Variants in CHAT observed in about 807,000 individuals in gnomAD.
The protein encoded by CHAT is choline O-acetyltransferase, also known as acetyl CoA:choline O-acetyltransferase.
In CHAT, 61 loss-of-function variants were observed where a neutral mutation model predicts 76.9. That is an observed-to-expected ratio of 0.79 (90% CI 0.65 to 0.98). The LOEUF (loss-of-function observed/expected upper bound fraction) is 0.98. Among genes scored for constraint, CHAT ranks in the 50% least tolerant of loss-of-function variants. The probability of loss-of-function intolerance (pLI) is 0.00; values close to 1 mark genes in which losing one functional copy is unlikely to be tolerated. For synonymous variants in CHAT, 407 were observed against 397.4 expected (o/e 1.02, Z -0.29); for missense variants, 946 against 986.9 (o/e 0.96, Z 0.56).
upstream of CHAT, chr10:49,610,969 G>T: frequency 1.6e-5 from 26 of 1,611,462 alleles, no homozygotes; most frequent in Non-Finnish European, 2.1e-5. Flanking sequence ...GACTCCCGAG[G>T]TGTGGGAGCC....
At chr10:49,611,183 G>T (rs1242707628), upstream of CHAT, 5 of 1,614,002 alleles carry the variant, frequency 3.1e-6, no homozygotes, top group African/African-American at 2.7e-5. Flanking sequence ...TTCATCGACC[G>T]CATGAGCTAC....
At position 49,655,123 on chromosome 10, in the gene CHAT, G is replaced by C. The variant is rs757303526; in HGVS notation, c.1663G>C (p.Glu555Gln). ...CCATCGAAGACTGGTGCCCACCTAC[G>C]AGAGCGCGTCCATCCGCCGATTCCA... ...RLHRRLVPTYESASIRRFQEG... is the reference protein window; with the variant it reads ...RLHRRLVPTYQSASIRRFQEG... The change falls in exon 12 of 15, where the codon GAG becomes CAG. Residue 555 changes from glutamate (E) to glutamine (Q), a missense_variant. Glu to Gln is a conservative substitution (Grantham distance 29, BLOSUM62 2). Transcript: ENST00000337653. 6.2e-7 allele frequency: 1 copy of C among 1,613,908 alleles called. No individual in the cohort carries two copies. The highest frequency in any genetic ancestry group is 8.5e-7 in the Non-Finnish European group (1 of 1,179,998).
intron 7 of CHAT, among the ~76,000 whole-genome samples, chr10:49,646,102 G>C (rs1197880756): frequency 6.6e-6 from 1 of 152,288 alleles, no homozygotes; most frequent in African/African-American, 2.4e-5. Flanking sequence ...ACACACAGAT[G>C]TGGCTCACAG....
At chr10:49,660,236 C>T (rs1024838371) in intron 13 of CHAT, among the ~76,000 whole-genome samples, 7 of 151,978 alleles carry the variant, frequency 4.6e-5, no homozygotes, top group Admixed American at 2.0e-4. Context: ...GTCAGGAGAT[C>T]GAGACCATCC....
intron 14 of CHAT, 42 bp downstream of exon 14, chr10:49,662,824 G>A (rs1190205900): frequency 6.2e-7 from 1 of 1,613,680 alleles, no homozygotes; most frequent in East Asian, 2.2e-5. Context: ...AGTGTAGTCA[G>A]TAAGCTTTCT....
At chr10:49,613,930 G>A, upstream of CHAT, 1 of 597,396 alleles carries the variant, frequency 1.7e-6, no homozygotes, top group South Asian at 2.0e-5. Context: ...GGATGGTGGG[G>A]AGAGGAGGGC....
At chr10:49,642,613 C>T (rs573554431) in intron 7 of CHAT, among the ~76,000 whole-genome samples, 2 of 152,270 alleles carry the variant, frequency 1.3e-5, no homozygotes, top group African/African-American at 4.8e-5. Flanking sequence ...CCTCCACTCT[C>T]CTGCCTCGAG....
At chr10:49,612,951 T>G (rs1838340424), upstream of CHAT, among the ~76,000 whole-genome samples, 1 of 152,132 alleles carries the variant, frequency 6.6e-6, no homozygotes, top group African/African-American at 2.4e-5. Context: ...GGATAGACCC[T>G]CTTTTCCAGG....
chr10:49,657,821 AAG>A (rs1216922279), intron 13 of CHAT, among the ~76,000 whole-genome samples: 1 of 152,226 alleles, frequency 6.6e-6, no homozygotes, highest in Non-Finnish European at 1.5e-5. Context: ...CCCACAGTGA[AAG>A]AGCCTAGTCA....
rs757624145 is a variant in CHAT at position 49,625,526 on chromosome 10, G to T, written c.806G>T (p.Cys269Phe). 4 of 1,613,356 alleles carry T rather than the reference G, an allele frequency of 2.5e-6. No homozygotes were observed. In the Admixed American group the frequency reaches 6.7e-5, roughly 27 times the overall value. The change falls in exon 6 of 15, where the codon TGC (cysteine) becomes TTC (phenylalanine). Residue 269 changes from cysteine to phenylalanine, a missense_variant. Coordinates refer to ENST00000337653, the MANE Select transcript of CHAT (RefSeq NM_020549.5). ...AKGQLSGQPL[C>F]MKQYYGLFSS... ...GGCCAGCTGTCAGGGCAGCCCCTTTGCATGAAGCAATACTATGGGCTCTTC... is the reference window on the plus strand; with the variant it reads ...GGCCAGCTGTCAGGGCAGCCCCTTTTCATGAAGCAATACTATGGGCTCTTC...
At chr10:49,646,756 C>A in intron 8 of CHAT, 82 bp downstream of exon 8, 1 of 1,479,810 alleles carries the variant, frequency 6.8e-7, no homozygotes, top group Non-Finnish European at 9.3e-7. Context: ...CAGCCTGGTG[C>A]CCAGGCCCGC....
chr10:49,609,601 G>T (rs1838235480), upstream of CHAT, among the ~76,000 whole-genome samples: 1 of 152,172 alleles, frequency 6.6e-6, no homozygotes, highest in Non-Finnish European at 1.5e-5. Context: ...CCCCGACTGG[G>T]GCGCGGCAAC....
At chr10:49,659,279 C>T (rs185306153) in intron 13 of CHAT, among the ~76,000 whole-genome samples, 3 of 152,168 alleles carry the variant, frequency 2.0e-5, no homozygotes, top group Non-Finnish European at 2.9e-5. Context: ...TATTTTTAGA[C>T]AGAGAAAGTC....
rs73319460 is a variant in CHAT at position 49,644,215 on chromosome 10, G to A, written c.1112-2290G>A. Among the ~76,000 whole-genome samples, 903 of 152,334 alleles carry A rather than the reference G, an allele frequency of 5.9e-3. 8 individuals are homozygous for A. The highest frequency in any genetic ancestry group is 0.02 in the African/African-American group (832 of 41,582). On this transcript the variant is annotated intron_variant, in intron 7 of 14. Transcript: ENST00000337653. ...GGGCCTTGTCCTGGGCACAGCCTGC[G>A]TGATGATGAGGAGATGGGATGTCCA...
At chr10:49,656,290 T>G (rs1253071989) in intron 13 of CHAT, among the ~76,000 whole-genome samples, 1 of 6,290 alleles carries the variant, frequency 1.6e-4, no homozygotes, top group East Asian at 4.3e-3. Context: ...TGGGTTTTTT[T>G]TTTTTTTTTT....
chr10:49,635,314 A>G (rs145209710), intron 7 of CHAT, among the ~76,000 whole-genome samples: 5 of 152,242 alleles, frequency 3.3e-5, no homozygotes, highest in Admixed American at 1.3e-4. Context: ...GCTAGGTATC[A>G]GTTTCTTTCA....
At chr10:49,629,858 A>G (rs1590580632) in intron 7 of CHAT, among the ~76,000 whole-genome samples, 1 of 152,242 alleles carries the variant, frequency 6.6e-6, no homozygotes, top group Admixed American at 6.5e-5. Context: ...AGAAACAGAG[A>G]GACCATTTAC....
At chr10:49,640,887 T>C (rs1839457114) in intron 7 of CHAT, among the ~76,000 whole-genome samples, 2 of 152,274 alleles carry the variant, frequency 1.3e-5, no homozygotes, top group South Asian at 4.1e-4. Flanking sequence ...CTTGTGTTTT[T>C]ACGTTGCTGG....
chr10:49,648,454 G>T, intron 8 of CHAT, 53 bp from the exon 9 acceptor site: 1 of 1,435,180 alleles, frequency 7.0e-7, no homozygotes. Context: ...CCAAGGGGCT[G>T]CCTTGCAATG....
Sources: gnomAD v4.1 joint callset for allele counts (sites outside exome capture counted in the v4.1 genomes callset) on GRCh38, gnomAD v4.1.1 for gene constraint, MANE v1.5 for transcripts, NCBI Gene and HGNC (gene_info 2026-07-23, HGNC 2026-07-21) for gene names.